Variants in PCSK2 observed in about 807,000 individuals in gnomAD.
PCSK2 encodes the protein proprotein convertase subtilisin/kexin type 2, also known as neuroendocrine convertase 2.
PCSK2 carries 14 observed loss-of-function variants against 69.7 expected under a neutral mutation model. That is an observed-to-expected ratio of 0.20 (90% CI 0.13 to 0.31). The LOEUF is 0.31. PCSK2 is among the 10% of genes least tolerant of loss of function. PCSK2 has a pLI of 1.00. For missense variants in PCSK2, 544 were observed against 842.5 expected (o/e 0.65, Z 4.39); for synonymous variants, 307 against 320.7 (o/e 0.96, Z 0.46).
At chr20:17,447,285 A>AAG (rs2032717918) in intron 8 of PCSK2, among the ~76,000 whole-genome samples, 1 of 151,126 alleles carries the variant, frequency 6.6e-6, no homozygotes, top group African/African-American at 2.4e-5. Flanking sequence ...AAAAAAAAAA[A>AAG]TCTATGAAAG....
At chr20:17,467,513 C>T (rs1600603336) in intron 11 of PCSK2, among the ~76,000 whole-genome samples, 2 of 152,310 alleles carry the variant, frequency 1.3e-5, no homozygotes, top group South Asian at 2.1e-4. Flanking sequence ...TGGTGGGACA[C>T]GAAAATCTGC....
chr20:17,388,165 T>C (rs890025291), intron 5 of PCSK2, among the ~76,000 whole-genome samples: 1 of 151,890 alleles, frequency 6.6e-6, no homozygotes, highest in Non-Finnish European at 1.5e-5. Context: ...AAATATGGCA[T>C]GAGATGACAT....
rs534482677 is a variant in PCSK2 at position 17,480,387 on chromosome 20, C to T, written c.1431-1197C>T. Among the ~76,000 whole-genome samples the T allele has an allele frequency of 6.6e-5, 10 of 151,938 alleles. No individual in the cohort carries two copies. In the East Asian group the frequency reaches 1.9e-3, roughly 29 times the overall value. On this transcript the variant is annotated intron_variant, in intron 11 of 11. Transcript: ENST00000262545. ...CGTATTTTTAGTAGAGACAGGGTTT[C>T]GCCATGTTAGCCATGATGGTCTCGA...
chr20:17,380,760 C>G (rs1600534891), intron 5 of PCSK2, among the ~76,000 whole-genome samples: 1 of 152,196 alleles, frequency 6.6e-6, no homozygotes, highest in Non-Finnish European at 1.5e-5. Context: ...TTAGCCTCCC[C>G]CTCCCTTCCT....
At chr20:17,277,349 T>C (rs1988122557) in intron 2 of PCSK2, among the ~76,000 whole-genome samples, 2 of 152,132 alleles carry the variant, frequency 1.3e-5, no homozygotes, top group Admixed American at 6.5e-5. Flanking sequence ...CAAAACAGCA[T>C]GGTACTGGTA....
chr20:17,244,368 C>G (rs1986694982), intron 1 of PCSK2, among the ~76,000 whole-genome samples: 1 of 152,200 alleles, frequency 6.6e-6, no homozygotes. Context: ...AACTTTGTCA[C>G]CAACAATGGG....
chr20:17,358,981 C>A (rs1352760390), intron 3 of PCSK2, among the ~76,000 whole-genome samples: 1 of 152,178 alleles, frequency 6.6e-6, no homozygotes, highest in Admixed American at 6.5e-5. Flanking sequence ...CACTAAAACC[C>A]ATTTTGCCTG....
intron 2 of PCSK2, among the ~76,000 whole-genome samples, chr20:17,293,839 C>T (rs1241516822): frequency 1.3e-5 from 2 of 152,172 alleles, no homozygotes; most frequent in African/African-American, 4.8e-5. Context: ...CTGGAACCTT[C>T]GTGTTTTTCT....
intron 8 of PCSK2, 55 bp downstream of exon 8, chr20:17,436,938 T>C: frequency 6.8e-7 from 1 of 1,464,676 alleles, no homozygotes; most frequent in South Asian, 1.3e-5. Flanking sequence ...ACAAAGTGGG[T>C]GGAGGGGTAG....
At chr20:17,318,410 C>T (rs975189855) in intron 2 of PCSK2, among the ~76,000 whole-genome samples, 14 of 151,956 alleles carry the variant, frequency 9.2e-5, no homozygotes, top group Admixed American at 2.0e-4. Flanking sequence ...TTCATTTGCC[C>T]AAGTCCTATA....
intron 6 of PCSK2, among the ~76,000 whole-genome samples, chr20:17,429,165 T>C (rs531243427): frequency 6.6e-6 from 1 of 152,202 alleles, no homozygotes; most frequent in Non-Finnish European, 1.5e-5. Context: ...ATTCAGCTTA[T>C]ACTTGTTTTA....
intron 2 of PCSK2, among the ~76,000 whole-genome samples, chr20:17,284,931 G>T (rs1444660335): frequency 6.6e-6 from 1 of 152,274 alleles, no homozygotes; most frequent in African/African-American, 2.4e-5. Flanking sequence ...TTTCAAACTG[G>T]TTGGCAACAA....
intron 2 of PCSK2, among the ~76,000 whole-genome samples, chr20:17,332,050 A>C (rs528166383): frequency 8.5e-5 from 13 of 152,326 alleles, no homozygotes; most frequent in African/African-American, 2.6e-4. Flanking sequence ...AACCCTTTAC[A>C]TTTGTTAACT....
chr20:17,303,477 A>T (rs189882167), intron 2 of PCSK2, among the ~76,000 whole-genome samples: 12 of 49,862 alleles, frequency 2.4e-4, no homozygotes, highest in East Asian at 3.0e-4. Context: ...TATATTATAT[A>T]TAATATATAT....
intron 5 of PCSK2, among the ~76,000 whole-genome samples, chr20:17,378,581 A>T (rs1206957366): frequency 1.3e-5 from 2 of 149,782 alleles, no homozygotes; most frequent in Admixed American, 1.3e-4. Flanking sequence ...TGAATTATGG[A>T]TGGATGGACG....
intron 5 of PCSK2, among the ~76,000 whole-genome samples, chr20:17,382,486 C>A (rs901375114): frequency 6.6e-6 from 1 of 152,100 alleles, no homozygotes; most frequent in Non-Finnish European, 1.5e-5. Flanking sequence ...CACATCTTAC[C>A]AAATGGCATC....
chr20:17,355,295 C>G (rs765357653), intron 2 of PCSK2, among the ~76,000 whole-genome samples: 11 of 152,120 alleles, frequency 7.2e-5, no homozygotes, highest in Non-Finnish European at 1.6e-4. Context: ...CAACATATTG[C>G]TTAGAGTTTT....
At chr20:17,346,494 G>C (rs1221889495) in intron 2 of PCSK2, among the ~76,000 whole-genome samples, 1 of 152,164 alleles carries the variant, frequency 6.6e-6, no homozygotes, top group East Asian at 1.9e-4. Flanking sequence ...ATGGAAAACA[G>C]AGCCATTCAC....
At chr20:17,470,894 C>G (rs572618686) in intron 11 of PCSK2, among the ~76,000 whole-genome samples, 1 of 150,248 alleles carries the variant, frequency 6.7e-6, no homozygotes. Flanking sequence ...GCAACTGGCA[C>G]GATATCTACA....
Sources: gnomAD v4.1 joint callset for allele counts (sites outside exome capture counted in the v4.1 genomes callset) on GRCh38, gnomAD v4.1.1 for gene constraint, MANE v1.5 for transcripts, NCBI Gene and HGNC (gene_info 2026-07-23, HGNC 2026-07-21) for gene names.